Variants in TENM1 observed in about 807,000 individuals in gnomAD.
TENM1 encodes teneurin-1.
A neutral mutation model predicts 174.8 loss-of-function variants in TENM1; 35 were observed. The observed-to-expected ratio is 0.20, with a 90% CI of 0.15 to 0.27. The LOEUF (loss-of-function observed/expected upper bound fraction) is 0.27. Among genes scored for constraint, TENM1 ranks in the 10% least tolerant of loss-of-function variants. The probability of loss-of-function intolerance (pLI) is 1.00; values close to 1 mark genes in which losing one functional copy is unlikely to be tolerated. For missense variants in TENM1, 1,633 were observed against 2,130.1 expected, an observed-to-expected ratio of 0.77 and a Z score of 4.59; for synonymous variants, 781 against 798.7, an observed-to-expected ratio of 0.98 and a Z score of 0.37.
At chrX:124,773,802 T>C (rs2054717440) in intron 3 of TENM1, among the ~76,000 whole-genome samples, 1 of 111,916 alleles carries the variant, frequency 8.9e-6, no homozygotes, top group Admixed American at 9.5e-5. Flanking sequence ...GAAGCCTGTC[T>C]GCCCTGGACT....
At chrX:124,561,729 C>A (rs1184352493) in exon 14 of TENM1, 1 of 1,210,888 alleles carries the variant, frequency 8.3e-7, no homozygotes, top group Admixed American at 2.2e-5. Flanking sequence ...TGCAGCCTGT[C>A]CCACTCCAAC....
the TENM1 span, among the ~76,000 whole-genome samples, chrX:125,130,265 C>T: frequency 4.0e-5 from 4 of 100,859 alleles, no homozygotes; most frequent in Admixed American, 3.0e-4. Context: ...TTAAAAATAA[C>T]AATACAGGCA....
intron 4 of TENM1, among the ~76,000 whole-genome samples, chrX:124,724,169 T>G (rs1333771042): frequency 8.9e-6 from 1 of 111,850 alleles, no homozygotes; most frequent in East Asian, 2.8e-4. Flanking sequence ...ATTTCCAAAA[T>G]AATATGCACT....
exon 32 of TENM1, chrX:124,380,529 A>G (rs915590758): frequency 1.7e-6 from 2 of 1,179,130 alleles, no homozygotes; most frequent in African/African-American, 3.6e-5. Flanking sequence ...AGGCAGAGAT[A>G]TTTTTGTTAC....
At chrX:125,107,509 G>A in the TENM1 span, among the ~76,000 whole-genome samples, 2 of 111,851 alleles carry the variant, frequency 1.8e-5, no homozygotes, top group South Asian at 7.6e-4. Flanking sequence ...TGAGTGGTAG[G>A]CACCTTCTTC....
intron 11 of TENM1, among the ~76,000 whole-genome samples, chrX:124,638,415 T>C (rs1330928234): frequency 9.0e-6 from 1 of 111,570 alleles, no homozygotes; most frequent in Non-Finnish European, 1.9e-5. Context: ...TTCTGAGGCA[T>C]CAGGAAGGGC....
the TENM1 span, among the ~76,000 whole-genome samples, chrX:125,161,378 T>G: frequency 9.0e-6 from 1 of 111,388 alleles, no homozygotes; most frequent in East Asian, 2.8e-4. Flanking sequence ...ATTTTTACTG[T>G]TTTTTTTCTA....
At chrX:124,410,213 C>T (rs905394024) in intron 25 of TENM1, among the ~76,000 whole-genome samples, 26 of 111,373 alleles carry the variant, frequency 2.3e-4, no homozygotes, top group African/African-American at 8.5e-4. Context: ...AGAAATAATG[C>T]TGCATATCTA....
chrX:124,891,157 AG>A (rs2057469019), intron 3 of TENM1, among the ~76,000 whole-genome samples: 1 of 111,084 alleles, frequency 9.0e-6, no homozygotes, highest in Non-Finnish European at 1.9e-5. Flanking sequence ...AAAAGGGTAG[AG>A]GGAAGTGGGG....
chrX:124,523,771 G>T, intron 16 of TENM1, 146 bp from the exon 20 acceptor site: 1 of 589,000 alleles, frequency 1.7e-6, no homozygotes, highest in Non-Finnish European at 2.6e-6. Flanking sequence ...ATTCTCTCTA[G>T]CAATGTATTC....
intron 11 of TENM1, among the ~76,000 whole-genome samples, chrX:124,628,964 C>G (rs1030545727): frequency 2.7e-5 from 3 of 111,862 alleles, no homozygotes; most frequent in South Asian, 7.6e-4. Flanking sequence ...TGGCTCCCAC[C>G]GTGTACTATA....
intron 21 of TENM1, among the ~76,000 whole-genome samples, chrX:124,485,784 G>T (rs1408137785): frequency 9.0e-6 from 1 of 111,359 alleles, no homozygotes; most frequent in Non-Finnish European, 1.9e-5. Context: ...ACAAGTTTGG[G>T]CCTGGACCAA....
At chrX:125,010,047 A>G in the TENM1 span, among the ~76,000 whole-genome samples, 2 of 111,654 alleles carry the variant, frequency 1.8e-5, no homozygotes, top group Non-Finnish European at 3.8e-5. Context: ...ATCAGGCAAG[A>G]GAAAGAAATG....
At chrX:124,383,256 T>G (rs1356176959) in intron 30 of TENM1, among the ~76,000 whole-genome samples, 1 of 111,220 alleles carries the variant, frequency 9.0e-6, no homozygotes, top group Non-Finnish European at 1.9e-5. Flanking sequence ...AAAACTCCCC[T>G]TTATATGGCC....
At chrX:125,179,586 C>A in the TENM1 span, among the ~76,000 whole-genome samples, 1 of 111,653 alleles carries the variant, frequency 9.0e-6, no homozygotes, top group Non-Finnish European at 1.9e-5. Flanking sequence ...AAGCCAGAAA[C>A]CTTTCCCTTA....
the TENM1 span, among the ~76,000 whole-genome samples, chrX:125,107,682 G>C: frequency 5.4e-5 from 6 of 111,802 alleles, no homozygotes; most frequent in Admixed American, 9.5e-5. Context: ...CTAAATGTTG[G>C]CTAGTTTGTA....
chrX:124,581,539 T>C (rs1424697176), intron 11 of TENM1, among the ~76,000 whole-genome samples: 1 of 110,080 alleles, frequency 9.1e-6, no homozygotes, highest in Non-Finnish European at 1.9e-5. Flanking sequence ...ATTTGTTTTC[T>C]TTTGTATATA....
intron 3 of TENM1, among the ~76,000 whole-genome samples, chrX:124,877,621 C>T (rs961770612): frequency 9.0e-6 from 1 of 111,587 alleles, no homozygotes; most frequent in African/African-American, 3.3e-5. Context: ...TTCAATATTA[C>T]ATGCAATTTG....
chrX:125,047,192 G>A, the TENM1 span, among the ~76,000 whole-genome samples: 1 of 111,277 alleles, frequency 9.0e-6, no homozygotes, highest in African/African-American at 3.3e-5. Context: ...AAACATTAGC[G>A]TATATGAGTT....
Sources: gnomAD v4.1 joint callset for allele counts (sites outside exome capture counted in the v4.1 genomes callset) on GRCh38, gnomAD v4.1.1 for gene constraint, MANE v1.5 for transcripts, NCBI Gene and HGNC (gene_info 2026-07-23, HGNC 2026-07-21) for gene names.